The following CDCA2 variants were observed in gnomAD, a reference collection of about 807,000 sequenced individuals.
CDCA2 encodes the protein cell division cycle associated 2.
Under a neutral mutation model 67.0 loss-of-function variants are expected in CDCA2, and 44 were observed. The ratio of observed to expected loss-of-function variants is 0.66; its 90% CI spans 0.52 to 0.84. The LOEUF (loss-of-function observed/expected upper bound fraction) is 0.84. CDCA2 is among the 40% of genes least tolerant of loss of function. CDCA2 has a pLI of 0.00. For missense variants in CDCA2, 1,253 were observed against 1,203.2 expected, an observed-to-expected ratio of 1.04 and a Z score of -0.61; for synonymous variants, 447 against 418.7, an observed-to-expected ratio of 1.07 and a Z score of -0.82.
At chr8:25,460,094 A>C (rs1182476687) in intron 1 of CDCA2, 146 bp from the exon 2 acceptor site, 2 of 723,810 alleles carry the variant, frequency 2.8e-6, no homozygotes, top group Admixed American at 2.5e-5. Flanking sequence ...ATACCCACAG[A>C]AATTAAAATA....
At chr8:25,469,855 C>CT (rs1177148649) in intron 6 of CDCA2, 41 bp from the exon 7 acceptor site, 1 of 1,309,706 alleles carries the variant, frequency 7.6e-7, no homozygotes. Context: ...TAGTAGTACT[C>CT]TAATTAATAA....
intron 7 of CDCA2, among the ~76,000 whole-genome samples, chr8:25,478,884 GTGTGTATATATATA>G (rs1282550298): frequency 8.5e-6 from 1 of 117,570 alleles, no homozygotes; most frequent in Non-Finnish European, 1.7e-5. Flanking sequence ...CTTGTTGTGT[GTGTGTATATATATA>G]TATATATATA....
chr8:25,503,509 C>T lies in CDCA2; in HGVS notation c.1808C>T (p.Thr603Ile). The part of the protein sequence containing the change: ...IPELPEVPEM[T>I]PSIPSIRRLG... ...GAGCTGCCTGAAGTCCCTGAGATGACACCTTCCATTCCGAGCATCCGAAGA... is the reference window on the plus strand; with the variant it reads ...GAGCTGCCTGAAGTCCCTGAGATGATACCTTCCATTCCGAGCATCCGAAGA... The change falls in exon 14 of 15, where the codon ACA (threonine) becomes ATA (isoleucine). Residue 603 changes from threonine (T) to isoleucine (I), a missense_variant. Thr to Ile is a moderately conservative substitution (Grantham distance 89). Transcript: ENST00000330560. The T allele has an allele frequency of 6.2e-7, 1 of 1,613,488 alleles. No homozygotes were observed. Among genetic ancestry groups the T allele is most frequent in the Non-Finnish European group, 8.5e-7 (1 of 1,179,866 alleles).
rs544581771 is a variant in CDCA2, at chr8:25,478,747, G to A, written c.821-1166G>A. Among the ~76,000 whole-genome samples, 32 of 152,066 alleles carry A rather than the reference G, an allele frequency of 2.1e-4. No individual in the cohort carries two copies. The South Asian group carries it at 4.0e-3, about 19-fold the overall frequency. On this transcript the variant is annotated intron_variant, in intron 7 of 14. Coordinates refer to ENST00000330560, the MANE Select transcript of CDCA2 (RefSeq NM_152562.4). ...CCATCCCTAGATCTATGTGTGGTTC[G>A]CCTTGTTCTTTTCAGGTGTCTGCTC...
At chr8:25,493,834 G>T (rs1013507464) in intron 13 of CDCA2, among the ~76,000 whole-genome samples, 1 of 152,180 alleles carries the variant, frequency 6.6e-6, no homozygotes, top group Admixed American at 6.5e-5. Flanking sequence ...CTGTGGAGGA[G>T]TATTTGGCAG....
Position 25,484,179 on chromosome 8 carries a change from A to C in CDCA2, c.1334A>C (p.Gln445Pro). ...TCACCTGTTCCTGAGCCATTACCTC[A>C]ACCAGATTTTGATGACAAGGGGGAG... is the stretch of plus-strand genomic sequence containing the variant. ...EQSPVPEPLP[Q>P]PDFDDKGENL... is the part of the protein sequence containing the mutation. The change falls in exon 10 of 15, where the codon CAA becomes CCA. Residue 445 changes from glutamine (Q) to proline (P), a missense_variant. Physicochemically the swap from Gln to Pro is moderately conservative, Grantham distance 76. Coordinates refer to ENST00000330560, the MANE Select transcript of CDCA2 (RefSeq NM_152562.4). 6.2e-7 allele frequency: 1 copy of C among 1,614,180 alleles called. No individual in the cohort carries two copies. The highest frequency in any genetic ancestry group is 8.5e-7 in the Non-Finnish European group (1 of 1,180,010).
In CDCA2 at chr8:25,488,575, G is replaced by T. The variant is rs879258268; in HGVS notation, c.1557G>T (p.Glu519Asp). The change falls in exon 13 of 15, where the codon GAG becomes GAT. Residue 519 changes from glutamate (E) to aspartate (D), a missense_variant. By Grantham distance (45) the Glu-to-Asp change is conservative. Transcript: ENST00000330560. ...RRNQLVSVVE[E>D]SVCNLLNTEV... is the part of the protein sequence containing the mutation. ...AGCAATTGGTCAGTGTTGTAGAAGA[G>T]AGTGTTTGCAACTTATTGAATACAG... 6.2e-7 allele frequency: 1 copy of T among 1,611,150 alleles called. No homozygotes were observed. The highest frequency in any genetic ancestry group is 8.5e-7 in the Non-Finnish European group (1 of 1,179,166).
At chr8:25,482,222 T>G (rs1019607159) in intron 8 of CDCA2, among the ~76,000 whole-genome samples, 1 of 152,254 alleles carries the variant, frequency 6.6e-6, no homozygotes, top group African/African-American at 2.4e-5. Flanking sequence ...AACTGCTACC[T>G]TCTTTCCTTG....
intron 10 of CDCA2, among the ~76,000 whole-genome samples, chr8:25,485,197 T>TAAC (rs1196040430): frequency 2.1e-5 from 2 of 96,452 alleles, no homozygotes; most frequent in African/African-American, 2.9e-5. Context: ...ATAATAATAA[T>TAAC]AATAATAATA....
chr8:25,496,747 T>C (rs1804238274), intron 13 of CDCA2, among the ~76,000 whole-genome samples: 1 of 152,068 alleles, frequency 6.6e-6, no homozygotes, highest in Admixed American at 6.5e-5. Flanking sequence ...AGATGAAAGA[T>C]TACAAGTGTT....
intron 8 of CDCA2, among the ~76,000 whole-genome samples, chr8:25,482,201 C>T (rs1803597054): frequency 6.6e-6 from 1 of 152,184 alleles, no homozygotes; most frequent in African/African-American, 2.4e-5. Flanking sequence ...TTTGCAGAAA[C>T]ACACAGGGAC....
chr8:25,491,187 G>C (rs1803987446), intron 13 of CDCA2, among the ~76,000 whole-genome samples: 1 of 152,090 alleles, frequency 6.6e-6, no homozygotes, highest in South Asian at 2.1e-4. Flanking sequence ...CTGGAAACGA[G>C]AATCTAGGAG....
chr8:25,481,125 A>G (rs1477411440), intron 8 of CDCA2, among the ~76,000 whole-genome samples: 5 of 151,998 alleles, frequency 3.3e-5, no homozygotes, highest in African/African-American at 1.2e-4. Context: ...TTTTGTTCAA[A>G]GAGCTGATTT....
At chr8:25,499,024 TAG>T (rs1371348310) in intron 13 of CDCA2, among the ~76,000 whole-genome samples, 1 of 152,186 alleles carries the variant, frequency 6.6e-6, no homozygotes, top group Non-Finnish European at 1.5e-5. Context: ...AATCTGGGGT[TAG>T]GGGAGTATAG....
At chr8:25,499,927 AG>A (rs1804405652) in intron 13 of CDCA2, among the ~76,000 whole-genome samples, 1 of 152,166 alleles carries the variant, frequency 6.6e-6, no homozygotes, top group Admixed American at 6.5e-5. Context: ...GATTTTGATA[AG>A]TTTGTGGCCT....
At chr8:25,491,499 A>G (rs1804001617) in intron 13 of CDCA2, among the ~76,000 whole-genome samples, 1 of 152,262 alleles carries the variant, frequency 6.6e-6, no homozygotes. Flanking sequence ...CCGGAAAGCT[A>G]CAAAATCATA....
At chr8:25,470,007 C>T in intron 7 of CDCA2, 27 bp downstream of exon 7, 1 of 1,429,896 alleles carries the variant, frequency 7.0e-7, no homozygotes, top group Non-Finnish European at 9.8e-7. Flanking sequence ...TAGTACATGG[C>T]CAGTTGCCCG....
At chr8:25,497,819 T>C (rs1013558608) in intron 13 of CDCA2, among the ~76,000 whole-genome samples, 3 of 152,214 alleles carry the variant, frequency 2.0e-5, no homozygotes, top group Non-Finnish European at 4.4e-5. Context: ...ATATGCAATT[T>C]TTAATTTGTT....
chr8:25,468,562 T>TGTGTGTGTGTGTGTGCGTGC, intron 6 of CDCA2, 149 bp downstream of exon 6: 2 of 452,630 alleles, frequency 4.4e-6, no homozygotes, highest in Admixed American at 7.8e-5. Context: ...TGTGTGCGTG[T>TGTGTGTGTGTGTGTGCGTGC]GTGTGTGTGT....
Sources: allele counts gnomAD v4.1 joint callset (sites outside exome capture counted in the v4.1 genomes callset), GRCh38; gene constraint gnomAD v4.1.1; transcripts MANE v1.5; gene names NCBI Gene and HGNC (gene_info 2026-07-23, HGNC 2026-07-21).